COL21A1: variants seen among roughly 807,000 people sequenced by gnomAD.
The protein encoded by COL21A1 is collagen alpha-1(XXI) chain.
Under a neutral mutation model 137.9 loss-of-function variants are expected in COL21A1, and 149 were observed. The ratio of observed to expected loss-of-function variants is 1.08; its 90% CI spans 0.95 to 1.24. COL21A1 has a LOEUF of 1.24. COL21A1 is among the 50% of genes most tolerant of loss of function. The probability of loss-of-function intolerance (pLI) is 0.00; values close to 1 mark genes in which losing one functional copy is unlikely to be tolerated. For synonymous variants in COL21A1, 456 were observed against 391.5 expected, an observed-to-expected ratio of 1.16 and a Z score of -1.95; for missense variants, 1,167 against 1,158.4, an observed-to-expected ratio of 1.01 and a Z score of -0.11.
intron 1 of COL21A1, among the ~76,000 whole-genome samples, chr6:56,299,889 G>A (rs962791829): frequency 1.1e-4 from 17 of 152,172 alleles, no homozygotes; most frequent in African/African-American, 4.1e-4. Context: ...CTGCGGTTAA[G>A]AGCTCCCCTT....
intron 1 of COL21A1, among the ~76,000 whole-genome samples, chr6:56,243,449 TA>T (rs963472032): frequency 6.6e-6 from 1 of 152,160 alleles, no homozygotes; most frequent in African/African-American, 2.4e-5. Context: ...TCCCATTAAA[TA>T]AAACAGAAAA....
chr6:56,129,435 A>G, intron 12 of COL21A1, among the ~76,000 whole-genome samples: 1 of 152,204 alleles, frequency 6.6e-6, no homozygotes, highest in Middle Eastern at 3.2e-3. Context: ...AAGTGCCTGA[A>G]TGACTTTGTA....
rs556458564 is a variant in COL21A1, at chr6:56,358,059, AAT to A, written c.-39+35910_-39+35911del. On this transcript the variant is annotated intron_variant, in intron 1 of 28. Transcript: ENST00000370819. Reference sequence around the variant, plus strand: ...TAGCTAAGCCTAATACAGCTCTTTCAATATATATACAATGACATTCTATGTGA... The same window carrying A: ...TAGCTAAGCCTAATACAGCTCTTTCAATATATACAATGACATTCTATGTGA... Among the ~76,000 whole-genome samples, 7 of 152,306 alleles carry A rather than the reference AAT, an allele frequency of 4.6e-5. No homozygotes were observed. In the East Asian group the frequency reaches 1.4e-3, roughly 29 times the overall value.
intron 17 of COL21A1, among the ~76,000 whole-genome samples, chr6:56,093,566 T>C (rs75536377): frequency 0.15 from 23,114 of 152,050 alleles, 1,780 homozygotes; most frequent in Middle Eastern, 0.22. Flanking sequence ...GCAGAAAAAA[T>C]TCCATCAGAT....
chr6:56,098,014 T>C (rs369821012), intron 17 of COL21A1, among the ~76,000 whole-genome samples: 1 of 39,392 alleles, frequency 2.5e-5, no homozygotes, highest in Non-Finnish European at 4.2e-5. Flanking sequence ...AATATATAAA[T>C]ATATATAAAT....
At chr6:56,129,699 T>A (rs12210423) in intron 12 of COL21A1, among the ~76,000 whole-genome samples, 1,406 of 120,444 alleles carry the variant, frequency 0.012, 19 homozygotes, top group African/African-American at 0.037. Flanking sequence ...TGTGTGTGTG[T>A]GAGAGAGAGA....
At chr6:56,276,727 A>G in intron 1 of COL21A1, 1 of 1,380,024 alleles carries the variant, frequency 7.2e-7, no homozygotes, top group Non-Finnish European at 1.0e-6. Context: ...GCTTCCTTAT[A>G]AACAGAACTG....
rs1775783658 is a variant in COL21A1, at chr6:56,156,897, T to A, written c.1424A>T (p.Asp475Val). The part of the protein sequence containing the change: ...NPGYPGQPGQ[D>V]GKPGYQGIAG... Reference sequence around the variant, plus strand: ...GCTTTCAGTACTCACAGGCTTACCATCTTGACCAGGTTGTCCAGGGTAGCC... The same window carrying A: ...GCTTTCAGTACTCACAGGCTTACCAACTTGACCAGGTTGTCCAGGGTAGCC... The change falls in exon 10 of 30, where the codon GAT becomes GTT. Residue 475 changes from aspartate to valine, a missense_variant. By Grantham distance (152) the Asp-to-Val change is radical. Transcript: ENST00000244728. 15 of 1,611,942 alleles carry A rather than the reference T, an allele frequency of 9.3e-6. No homozygotes were observed. Among genetic ancestry groups the A allele is most frequent in the Non-Finnish European group, 1.1e-5 (13 of 1,179,098 alleles).
intron 1 of COL21A1, among the ~76,000 whole-genome samples, chr6:56,190,231 A>T (rs1201631324): frequency 1.3e-5 from 2 of 152,196 alleles, no homozygotes; most frequent in Non-Finnish European, 2.9e-5. Context: ...AGAATCAAAT[A>T]GATGGAATAA....
chr6:56,082,801 G>T (rs187248171), intron 17 of COL21A1, among the ~76,000 whole-genome samples: 1 of 151,608 alleles, frequency 6.6e-6, no homozygotes, highest in African/African-American at 2.4e-5. Flanking sequence ...TAATTTATAC[G>T]ATAAAAATAA....
rs570380351 is a variant in COL21A1, at chr6:56,237,353, G to A, written c.-39+10034C>T. 1.1e-4 allele frequency among the ~76,000 whole-genome samples: 16 copies of A among 152,186 alleles called. No homozygotes were observed. In the South Asian group the frequency reaches 3.3e-3, roughly 32 times the overall value. On this transcript the variant is annotated intron_variant, in intron 1 of 29. Coordinates refer to ENST00000244728, the MANE Select transcript of COL21A1 (RefSeq NM_030820.4). ...CAAAAACAATGAAATTTTTAAAAAG[G>A]AAAATGTTTTCCTCAGTTAACTTTA... is the stretch of plus-strand genomic sequence containing the variant.
At chr6:56,272,065 C>A (rs1395192096) in intron 1 of COL21A1, among the ~76,000 whole-genome samples, 1 of 152,222 alleles carries the variant, frequency 6.6e-6, no homozygotes, top group Non-Finnish European at 1.5e-5. Context: ...AGAGTCCCCA[C>A]TGGGGAACTG....
At chr6:56,301,855 C>T (rs560385397) in intron 1 of COL21A1, among the ~76,000 whole-genome samples, 5 of 34,150 alleles carry the variant, frequency 1.5e-4, no homozygotes, top group African/African-American at 2.0e-4. Flanking sequence ...TGCTATTTCT[C>T]CCCCCCCCAA....
intron 9 of COL21A1, among the ~76,000 whole-genome samples, chr6:56,163,582 G>A (rs1472626784): frequency 1.3e-5 from 2 of 152,012 alleles, no homozygotes; most frequent in East Asian, 1.9e-4. Context: ...AGTGGTGATC[G>A]CCTGTAATCC....
At chr6:56,088,933 C>T (rs1768525571) in intron 17 of COL21A1, among the ~76,000 whole-genome samples, 1 of 152,092 alleles carries the variant, frequency 6.6e-6, no homozygotes, top group African/African-American at 2.4e-5. Flanking sequence ...ACTAGGCACA[C>T]ATCACCACAT....
At chr6:56,257,155 A>G (rs1763103202) in intron 1 of COL21A1, among the ~76,000 whole-genome samples, 1 of 152,162 alleles carries the variant, frequency 6.6e-6, no homozygotes, top group Non-Finnish European at 1.5e-5. Flanking sequence ...ATCAAAAAGC[A>G]TGTGAATCTT....
At chr6:56,128,908 G>A (rs955827188) in intron 12 of COL21A1, among the ~76,000 whole-genome samples, 1 of 152,114 alleles carries the variant, frequency 6.6e-6, no homozygotes. Context: ...ACCTGCCTCG[G>A]CCTCCCAAAG....
chr6:56,339,651 G>T (rs948925430), intron 1 of COL21A1, among the ~76,000 whole-genome samples: 1 of 152,286 alleles, frequency 6.6e-6, no homozygotes, highest in East Asian at 1.9e-4. Flanking sequence ...ACATTCTTTT[G>T]AACTTTATAG....
Position 56,102,239 on chromosome 6 carries a change from A to G in COL21A1, c.1759-714T>C, listed in dbSNP as rs567553165. 9.8e-5 allele frequency among the ~76,000 whole-genome samples: 15 copies of G among 152,320 alleles called. No homozygotes were observed. In the South Asian group the frequency reaches 3.1e-3, roughly 32 times the overall value. On this transcript the variant is annotated intron_variant, in intron 16 of 29. Coordinates refer to ENST00000244728, the MANE Select transcript of COL21A1 (RefSeq NM_030820.4). ...AATATTAGCTGAATATAATCCTAAAATGTATAATATCTGCAGATTAGTACA... is the reference window on the plus strand; with the variant it reads ...AATATTAGCTGAATATAATCCTAAAGTGTATAATATCTGCAGATTAGTACA...
Sources: gnomAD v4.1 joint callset for allele counts (sites outside exome capture counted in the v4.1 genomes callset) on GRCh38, gnomAD v4.1.1 for gene constraint, MANE v1.5 for transcripts, NCBI Gene and HGNC (gene_info 2026-07-23, HGNC 2026-07-21) for gene names.